Variants in RIMKLB observed in about 807,000 individuals in gnomAD.
RIMKLB encodes the protein ribosomal modification protein rimK like family member B.
A neutral mutation model predicts 32.0 loss-of-function variants in RIMKLB; 7 were observed. The observed-to-expected ratio is 0.22, with a 90% CI of 0.12 to 0.41. The LOEUF is 0.41. Ranked by LOEUF, RIMKLB falls within the 10% of genes least tolerant of loss-of-function variation. The pLI, the probability that RIMKLB is intolerant of heterozygous loss-of-function variation, is 1.00. For missense variants in RIMKLB, 289 were observed against 498.7 expected (o/e 0.58, Z 4.00); for synonymous variants, 172 against 185.1 (o/e 0.93, Z 0.57).
chr12:8,721,828 C>CT (rs1945468392), intron 2 of RIMKLB, among the ~76,000 whole-genome samples: 1 of 152,152 alleles, frequency 6.6e-6, no homozygotes, highest in African/African-American at 2.4e-5. Context: ...ACTGCAACCT[C>CT]AGCCTCCTGG....
At chr12:8,745,323 A>AG (rs1282836376) in intron 2 of RIMKLB, among the ~76,000 whole-genome samples, 3 of 151,420 alleles carry the variant, frequency 2.0e-5, no homozygotes, top group Non-Finnish European at 4.4e-5. Context: ...TTGAGGTCCT[A>AG]GGTGTCCCTT....
At chr12:8,715,704 A>G (rs140441906) in intron 2 of RIMKLB, among the ~76,000 whole-genome samples, 54 of 152,284 alleles carry the variant, frequency 3.5e-4, no homozygotes, top group East Asian at 3.9e-4. Flanking sequence ...AGCATTTACT[A>G]TGTGCTGGAT....
intron 2 of RIMKLB, among the ~76,000 whole-genome samples, chr12:8,733,194 G>A (rs899131139): frequency 4.0e-5 from 6 of 151,534 alleles, no homozygotes; most frequent in African/African-American, 1.5e-4. Flanking sequence ...TAAATATCTC[G>A]TAAGGCATAG....
chr12:8,777,636 C>T, downstream of RIMKLB: 1 of 1,288,726 alleles, frequency 7.8e-7, no homozygotes, highest in South Asian at 1.2e-5. Context: ...AAAAAAATAC[C>T]CAGAGAAAAA....
chr12:8,770,478 A>G (rs1317318674), intron 5 of RIMKLB, among the ~76,000 whole-genome samples: 2 of 152,022 alleles, frequency 1.3e-5, no homozygotes, highest in Admixed American at 1.3e-4. Flanking sequence ...AATGAATTAT[A>G]CCTATATTGC....
chr12:8,711,738 G>A (rs751007218), intron 1 of RIMKLB, among the ~76,000 whole-genome samples: 1 of 151,704 alleles, frequency 6.6e-6, no homozygotes, highest in African/African-American at 2.4e-5. Context: ...TTCTACGTCA[G>A]GTATTCTGGC....
At position 8,721,694 on chromosome 12, in the gene RIMKLB, C is replaced by G. The variant is rs774150584; in HGVS notation, c.175+7653C>G. On this transcript the variant is annotated intron_variant, in intron 2 of 5. Transcript: ENST00000535829. ...GGTGAGAATCAGTTTCTTCCACATT[C>G]CTATCAATGGTGATATCTTGACCTT... is the stretch of plus-strand genomic sequence containing the variant. Among the ~76,000 whole-genome samples, 5 of 152,290 alleles carry G rather than the reference C, an allele frequency of 3.3e-5. No homozygotes were observed. In the East Asian group the frequency reaches 9.6e-4, roughly 29 times the overall value.
At position 8,776,818 on chromosome 12, in the gene RIMKLB, A is replaced by C. The variant is rs946545641; in HGVS notation, c.*3034A>C. The C allele has an allele frequency of 1.0e-6, 1 of 985,646 alleles. No individual in the cohort carries two copies. The highest frequency in any genetic ancestry group is 6.1e-5 in the Admixed American group (1 of 16,272). 61.1% of individuals were successfully genotyped at this position (985,646 alleles called of 1,614,324 possible). A position where few individuals can be genotyped will look rare whatever the true frequency, so the allele number is the denominator to read the frequency against. On this transcript the variant is annotated 3_prime_UTR_variant, in exon 6 of 6. Coordinates refer to ENST00000535829, the MANE Select transcript of RIMKLB (RefSeq NM_001297776.2). Reference sequence around the variant, plus strand: ...CCCAACAAGAGACTTGGCATTCATCAAGCACATTATCAGACTTTGAGAACA... The same window carrying C: ...CCCAACAAGAGACTTGGCATTCATCCAGCACATTATCAGACTTTGAGAACA...
chr12:8,708,917 C>A (rs747484437), intron 1 of RIMKLB, among the ~76,000 whole-genome samples: 1 of 152,220 alleles, frequency 6.6e-6, no homozygotes, highest in Non-Finnish European at 1.5e-5. Flanking sequence ...AAAAAAGGTA[C>A]TTTTGTCAGT....
intron 1 of RIMKLB, among the ~76,000 whole-genome samples, chr12:8,689,829 G>A (rs1408626109): frequency 6.6e-6 from 1 of 152,076 alleles, no homozygotes; most frequent in Non-Finnish European, 1.5e-5. Flanking sequence ...AGCTGTTTCT[G>A]CAATCAGCCT....
chr12:8,761,096 T>C (rs1949481268), intron 5 of RIMKLB, among the ~76,000 whole-genome samples: 1 of 152,058 alleles, frequency 6.6e-6, no homozygotes, highest in Non-Finnish European at 1.5e-5. Context: ...ATTCCTGTAA[T>C]CCCAGCACTT....
In RIMKLB at chr12:8,713,718, T is replaced by A. The variant is rs1216013524; in HGVS notation, c.-56-93T>A. On this transcript the variant is annotated intron_variant, in intron 1 of 5. Coordinates refer to ENST00000535829, the MANE Select transcript of RIMKLB (RefSeq NM_001297776.2). ...CACGTGTTTTTTCCTGTTTATATAATTAGTATATAATCACGGCATTTATTT... is the reference window on the plus strand; with the variant it reads ...CACGTGTTTTTTCCTGTTTATATAAATAGTATATAATCACGGCATTTATTT... The A allele has an allele frequency of 3.9e-6, 3 of 770,926 alleles. No homozygotes were observed. The Admixed American group carries it at 7.7e-5, about 20-fold the overall frequency. The allele number at this position is 770,926 out of a possible 1,614,324, so 47.8% of individuals were successfully genotyped here.
chr12:8,765,271 TAGCACGCAAGTTAGCA>T (rs1949861279), intron 5 of RIMKLB, among the ~76,000 whole-genome samples: 2 of 152,246 alleles, frequency 1.3e-5, no homozygotes, highest in South Asian at 4.2e-4. Context: ...TTAGTCCTTC[TAGCACGCAAGTTAGCA>T]AATGTCTGTG....
chr12:8,769,851 C>T lies in RIMKLB; in HGVS notation c.698-3470C>T, dbSNP rs759187167. ...CCCTGGTGTTCCTTGTTCCCTCTCC[C>T]CTCCAATGGGAATATTAGAACAATT... On this transcript the variant is annotated intron_variant, in intron 5 of 5. Transcript: ENST00000535829. Among the ~76,000 whole-genome samples the T allele has an allele frequency of 9.2e-5, 14 of 152,282 alleles. No individual in the cohort carries two copies. In the South Asian group the frequency reaches 2.5e-3, roughly 27 times the overall value.
chr12:8,695,737 C>CCA (rs1942869413), upstream of RIMKLB, among the ~76,000 whole-genome samples: 1 of 145,150 alleles, frequency 6.9e-6, no homozygotes, highest in South Asian at 2.1e-4. Context: ...GCTCTTGTTG[C>CCA]CCAGGCTGGA....
upstream of RIMKLB, among the ~76,000 whole-genome samples, chr12:8,694,396 C>T (rs11046827): frequency 0.53 from 64,582 of 121,838 alleles, 16,820 homozygotes; most frequent in South Asian, 0.57. Context: ...AATTTTTTTT[C>T]TTTTTTTTTT....
At chr12:8,739,599 T>C (rs2137462858) in intron 2 of RIMKLB, among the ~76,000 whole-genome samples, 1 of 152,304 alleles carries the variant, frequency 6.6e-6, no homozygotes, top group African/African-American at 2.4e-5. Context: ...GCCTCCTGAG[T>C]AGCTGGGGCT....
At chr12:8,765,251 C>CT (rs763628619) in intron 5 of RIMKLB, among the ~76,000 whole-genome samples, 19 of 152,070 alleles carry the variant, frequency 1.2e-4, no homozygotes, top group Non-Finnish European at 2.5e-4. Context: ...AGGCTTTTTC[C>CT]TAGTTTTCCT....
At chr12:8,681,971 C>T (rs1447262414) in intron 1 of RIMKLB, among the ~76,000 whole-genome samples, 1 of 151,852 alleles carries the variant, frequency 6.6e-6, no homozygotes, top group Non-Finnish European at 1.5e-5. Context: ...TTGTGGGACT[C>T]AGCTCTAAAC....
Sources: allele counts gnomAD v4.1 joint callset (sites outside exome capture counted in the v4.1 genomes callset), GRCh38; gene constraint gnomAD v4.1.1; transcripts MANE v1.5; gene names NCBI Gene and HGNC (gene_info 2026-07-23, HGNC 2026-07-21).